CHD9: variants seen among roughly 807,000 people sequenced by gnomAD.
CHD9 encodes chromodomain helicase DNA binding protein 9, also known as ATP-dependent chromatin remodeler CHD9.
A neutral mutation model predicts 316.1 loss-of-function variants in CHD9; 77 were observed. The ratio of observed to expected loss-of-function variants is 0.24; its 90% CI spans 0.20 to 0.29. The LOEUF (loss-of-function observed/expected upper bound fraction) is 0.29. Ranked by LOEUF, CHD9 falls within the 10% of genes least tolerant of loss-of-function variation. CHD9 has a pLI of 1.00. For missense variants in CHD9, 2,763 were observed against 3,438.1 expected (o/e 0.80, Z 4.91); for synonymous variants, 1,129 against 1,158.3 (o/e 0.97, Z 0.51).
chr16:53,137,142 T>G (rs935421870), intron 1 of CHD9, among the ~76,000 whole-genome samples: 4 of 151,956 alleles, frequency 2.6e-5, no homozygotes, highest in Non-Finnish European at 4.4e-5. Context: ...CCCAGCTAAT[T>G]TTTGTATTTT....
chr16:53,188,653 G>A (rs2044236824), intron 2 of CHD9, among the ~76,000 whole-genome samples: 1 of 127,602 alleles, frequency 7.8e-6, no homozygotes, highest in African/African-American at 3.1e-5. Context: ...GGCGTGCAGT[G>A]GTACCATCTC....
chr16:53,208,983 G>A (rs1321580646), intron 2 of CHD9, among the ~76,000 whole-genome samples: 2 of 152,112 alleles, frequency 1.3e-5, no homozygotes, highest in East Asian at 3.9e-4. Context: ...TTACTAACTA[G>A]CTATGTTGCT....
chr16:53,255,768 A>C lies in CHD9; in HGVS notation c.4198A>C (p.Thr1400Pro). ...ITIESEGRGS[T>P]FAKASFVASG... ...AATTGAATCAGAAGGACGTGGGTCA[A>C]CATTTGCCAAGGTAATAGTGGGTGC... The change falls in exon 19 of 39, where the codon ACA (threonine) becomes CCA (proline). Residue 1400 changes from threonine (T) to proline (P), a missense_variant. Physicochemically the swap from Thr to Pro is conservative, Grantham distance 38. Transcript: ENST00000447540. The C allele has an allele frequency of 6.2e-7, 1 of 1,613,806 alleles. No individual in the cohort carries two copies. Among genetic ancestry groups the C allele is most frequent in the Non-Finnish European group, 8.5e-7 (1 of 1,179,750 alleles).
At chr16:53,290,497 A>AT (rs200873881) in intron 27 of CHD9, among the ~76,000 whole-genome samples, 2 of 148,156 alleles carry the variant, frequency 1.3e-5, no homozygotes, top group Non-Finnish European at 1.5e-5. Flanking sequence ...AAAAAAAAAA[A>AT]GTATGAGAGG....
chr16:53,115,674 A>T (rs1017719571), intron 1 of CHD9, among the ~76,000 whole-genome samples: 2 of 152,232 alleles, frequency 1.3e-5, no homozygotes, highest in Non-Finnish European at 2.9e-5. Flanking sequence ...TGTGTAAGAT[A>T]CACATTTATT....
intron 2 of CHD9, among the ~76,000 whole-genome samples, chr16:53,191,550 T>C (rs1420989692): frequency 2.0e-5 from 3 of 152,166 alleles, no homozygotes; most frequent in Admixed American, 2.0e-4. Context: ...TGAGTCTGGT[T>C]TCTTTTATTC....
At chr16:53,124,469 T>TC (rs2038883667) in intron 1 of CHD9, among the ~76,000 whole-genome samples, 1 of 122,950 alleles carries the variant, frequency 8.1e-6, no homozygotes, top group Non-Finnish European at 1.6e-5. Flanking sequence ...GAGACTTAAT[T>TC]TTTTTTTTTT....
At chr16:53,264,239 A>C (rs1339366080) in intron 20 of CHD9, among the ~76,000 whole-genome samples, 1 of 152,144 alleles carries the variant, frequency 6.6e-6, no homozygotes, top group Non-Finnish European at 1.5e-5. Flanking sequence ...AACTAGAAAA[A>C]ATAATTTTAA....
chr16:53,129,903 G>T (rs1488285442), intron 1 of CHD9, among the ~76,000 whole-genome samples: 1 of 152,142 alleles, frequency 6.6e-6, no homozygotes, highest in Non-Finnish European at 1.5e-5. Flanking sequence ...CAAAACCAAG[G>T]CCCTAGGACA....
Position 53,325,132 on chromosome 16 carries a change from CATT to C in CHD9, c.*240_*242del, listed in dbSNP as rs925188315. On this transcript the variant is annotated 3_prime_UTR_variant, in exon 39 of 39. Coordinates refer to ENST00000447540, the MANE Select transcript of CHD9 (RefSeq NM_001308319.2). ...AAAGGTGTAAAATTACAACAAAAGG[CATT>C]ATAATTTTGTTGGGGGTTAATTTTA... The C allele has an allele frequency of 6.0e-5, 21 of 348,498 alleles. No homozygotes were observed. The highest frequency in any genetic ancestry group is 4.4e-4 in the African/African-American group (21 of 47,780). The allele number at this position is 348,498 out of a possible 1,614,324, so 21.6% of individuals were successfully genotyped here.
intron 19 of CHD9, among the ~76,000 whole-genome samples, chr16:53,262,590 A>G (rs2051253613): frequency 6.6e-6 from 1 of 152,186 alleles, no homozygotes; most frequent in Non-Finnish European, 1.5e-5. Context: ...TGATGAAAAT[A>G]AACTAGAAAT....
At chr16:53,298,097 C>G (rs916762317) in intron 30 of CHD9, 1 of 152,082 alleles carries the variant, frequency 6.6e-6, no homozygotes, top group African/African-American at 2.4e-5. Flanking sequence ...AGGGAAAGAG[C>G]TAACTACTAA....
chr16:53,290,803 G>A (rs2054269753), intron 27 of CHD9, among the ~76,000 whole-genome samples: 1 of 152,050 alleles, frequency 6.6e-6, no homozygotes, highest in African/African-American at 2.4e-5. Flanking sequence ...AATATGAAAG[G>A]CAATAAATTT....
At chr16:53,259,485 C>A (rs1009815845) in intron 19 of CHD9, among the ~76,000 whole-genome samples, 1 of 151,958 alleles carries the variant, frequency 6.6e-6, no homozygotes, top group Non-Finnish European at 1.5e-5. Context: ...AATCGTTCCT[C>A]ATGGTTTTTT....
At chr16:53,102,946 C>T (rs918560463) in intron 1 of CHD9, among the ~76,000 whole-genome samples, 15 of 151,858 alleles carry the variant, frequency 9.9e-5, no homozygotes, top group African/African-American at 2.4e-4. Context: ...CCCGGGTTCA[C>T]GCCATTCTCC....
intron 1 of CHD9, among the ~76,000 whole-genome samples, chr16:53,063,230 G>T (rs1316483310): frequency 1.3e-5 from 2 of 151,940 alleles, no homozygotes; most frequent in Admixed American, 6.6e-5. Flanking sequence ...GAGCAAACAG[G>T]CATAGAGAAG....
intron 19 of CHD9, among the ~76,000 whole-genome samples, chr16:53,260,908 T>G (rs1363048430): frequency 6.6e-6 from 1 of 152,176 alleles, no homozygotes; most frequent in Non-Finnish European, 1.5e-5. Flanking sequence ...ATCTCTCTAT[T>G]TCAAGGTCCT....
At chr16:53,237,720 G>A (rs1010848142) in intron 11 of CHD9, among the ~76,000 whole-genome samples, 7 of 152,074 alleles carry the variant, frequency 4.6e-5, no homozygotes, top group Non-Finnish European at 1.0e-4. Flanking sequence ...CCATACTGAT[G>A]ATTCTTAATT....
At chr16:53,089,042 G>A (rs1023921392) in intron 1 of CHD9, among the ~76,000 whole-genome samples, 5 of 152,098 alleles carry the variant, frequency 3.3e-5, no homozygotes, top group Admixed American at 2.0e-4. Context: ...AACCTGGGAG[G>A]CGGAGGTTGC....
Sources: allele counts gnomAD v4.1 joint callset (sites outside exome capture counted in the v4.1 genomes callset), GRCh38; gene constraint gnomAD v4.1.1; transcripts MANE v1.5; gene names NCBI Gene and HGNC (gene_info 2026-07-23, HGNC 2026-07-21).